The following MFSD12 variants were observed in gnomAD, a reference collection of about 807,000 sequenced individuals.
The protein encoded by MFSD12 is major facilitator superfamily domain-containing protein 12.
A neutral mutation model predicts 51.2 loss-of-function variants in MFSD12; 67 were observed. That is an observed-to-expected ratio of 1.31 (90% confidence interval 1.08 to 1.60). The LOEUF (loss-of-function observed/expected upper bound fraction) is 1.60, where lower values mean the gene tolerates loss of function less well. Ranked by LOEUF, MFSD12 falls within the 40% of genes most tolerant of loss-of-function variation. The pLI is 0.00. For missense variants in MFSD12, 921 were observed against 673.0 expected (o/e 1.37, Z -4.08); for synonymous variants, 441 against 316.7 (o/e 1.39, Z -4.17).
intron 6 of MFSD12, 36 bp downstream of exon 6, chr19:3,547,236 C>T: frequency 6.3e-7 from 1 of 1,579,778 alleles, no homozygotes; most frequent in Non-Finnish European, 8.7e-7. Flanking sequence ...GCACCCCATC[C>T]TCCGCCCCAG....
chr19:3,541,577 T>A, downstream of MFSD12: 1 of 856,626 alleles, frequency 1.2e-6, no homozygotes, highest in East Asian at 1.2e-4. Flanking sequence ...TGCCTCGGCC[T>A]CCCACAGTGC....
intron 1 of MFSD12, among the ~76,000 whole-genome samples, chr19:3,553,903 G>A (rs1180898261): frequency 1.3e-5 from 2 of 151,094 alleles, no homozygotes; most frequent in African/African-American, 4.9e-5. Flanking sequence ...CCAACATGGT[G>A]AAACCCTGTC....
In MFSD12 at chr19:3,547,990, G is replaced by A. The variant is rs775121218; in HGVS notation, c.695C>T (p.Ser232Leu). Residue 232 changes from serine (S) to leucine (L), a missense_variant, in exon 4 of 10, where the codon TCA becomes TTA. Coordinates refer to ENST00000355415, the MANE Select transcript of MFSD12 (RefSeq NM_174983.5). ...LLVVGVGAVF[S>L]LLFHLGTRER... ...CCGGGTGCCCAGGTGGAATAGCAGT[G>A]AGAACACGGCGCCGACACCCACCAC... 2 of 1,599,092 alleles carry A rather than the reference G, an allele frequency of 1.3e-6. No individual in the cohort carries two copies. The highest frequency in any genetic ancestry group is 2.2e-5 in the East Asian group (1 of 44,838).
chr19:3,542,655 G>A (rs550067671), downstream of MFSD12: 40 of 1,121,354 alleles, frequency 3.6e-5, no homozygotes, highest in East Asian at 2.5e-4. Flanking sequence ...CTTAATTTTC[G>A]TATTTTTAGT....
chr19:3,544,139 G>A (rs2030725923), downstream of MFSD12: 2 of 1,411,744 alleles, frequency 1.4e-6, no homozygotes, highest in Non-Finnish European at 1.9e-6. Context: ...ACCAGGGCAG[G>A]GCTGAGATGC....
intron 1 of MFSD12, 25 bp downstream of exon 1, chr19:3,557,081 C>G: frequency 7.0e-7 from 1 of 1,430,638 alleles, no homozygotes; most frequent in Non-Finnish European, 9.1e-7. Flanking sequence ...GGCTGCCCGA[C>G]AGGTGGCGGG....
chr19:3,542,504 C>G, downstream of MFSD12: 1 of 966,414 alleles, frequency 1.0e-6, no homozygotes, highest in Non-Finnish European at 1.2e-6. Flanking sequence ...GACAGAGTCT[C>G]ACTCTGTTGC....
downstream of MFSD12, chr19:3,543,649 G>GA: frequency 6.5e-7 from 1 of 1,543,696 alleles, no homozygotes; most frequent in South Asian, 1.2e-5. Context: ...GCGCGCTGTG[G>GA]AAAGACAGGC....
At chr19:3,539,227 C>T (rs942409567), downstream of MFSD12, 41 of 1,550,546 alleles carry the variant, frequency 2.6e-5, 1 homozygote, top group Middle Eastern at 1.7e-4. Context: ...CCCTCGGGGA[C>T]CCTCGAGGCC....
chr19:3,539,207 GC>G, downstream of MFSD12: 1 of 1,549,194 alleles, frequency 6.5e-7, no homozygotes. Flanking sequence ...AGGCTGCACG[GC>G]CCTGTATCCC....
chr19:3,541,576 C>A, downstream of MFSD12: 1 of 834,490 alleles, frequency 1.2e-6, no homozygotes, highest in African/African-American at 1.9e-5. Flanking sequence ...CTGCCTCGGC[C>A]TCCCACAGTG....
chr19:3,542,467 T>TTGAG (rs1024163566), downstream of MFSD12: 1 of 985,100 alleles, frequency 1.0e-6, no homozygotes, highest in African/African-American at 1.7e-5. Context: ...TAAAACATCT[T>TTGAG]TGAGTCTCTT....
At chr19:3,544,754 G>A (rs771454434) in intron 9 of MFSD12, 22 bp from the exon 10 acceptor site, 20 of 1,605,080 alleles carry the variant, frequency 1.2e-5, no homozygotes, top group South Asian at 2.2e-5. Context: ...GGGTGGAAAT[G>A]GCATTAGAGA....
At position 3,545,070 on chromosome 19, in the gene MFSD12, ACTCC is replaced by A. The variant is rs1029599844; in HGVS notation, c.1290-135_1290-132del. The A allele has an allele frequency of 7.2e-5, 85 of 1,176,338 alleles. 2 individuals are homozygous for A. In the South Asian group the frequency reaches 7.4e-4, roughly 10 times the overall value. 72.9% of individuals were successfully genotyped at this position (1,176,338 alleles called of 1,614,324 possible). A position where few individuals can be genotyped will look rare whatever the true frequency, so the allele number is the denominator to read the frequency against. ...CAATCCAGGAGCTGGGGGCCCTGCC[ACTCC>A]CTCCCTCCTGTCCCACACCCAACAG... On this transcript the variant is annotated intron_variant, in intron 8 of 9. Coordinates refer to ENST00000355415, the MANE Select transcript of MFSD12 (RefSeq NM_174983.5).
intron 4 of MFSD12, chr19:3,538,805 G>A: frequency 1.8e-6 from 1 of 547,190 alleles, no homozygotes; most frequent in Non-Finnish European, 3.7e-6. Flanking sequence ...GAGGAGTGAG[G>A]AGCTGGGGTG....
chr19:3,544,068 T>C (rs2030717655), downstream of MFSD12: 6 of 1,467,266 alleles, frequency 4.1e-6, no homozygotes, highest in South Asian at 8.3e-5. Context: ...GGCACTAACC[T>C]AGTCCCAGGG....
chr19:3,546,254 C>CCGTGTGGGGACCGATGA lies in MFSD12; in HGVS notation c.1178_1194dup (p.Asn399SerfsTer16). 3 of 1,610,294 alleles carry CCGTGTGGGGACCGATGA rather than the reference C, an allele frequency of 1.9e-6. No individual in the cohort carries two copies. The highest frequency in any genetic ancestry group is 1.7e-6 in the Non-Finnish European group (2 of 1,178,630). Reference sequence around the variant, plus strand: ...CACCCCAGCCTGGCTACCAGCCCTACCGTGTGGGGACCGATGAGGTCGGCC... The same window carrying CCGTGTGGGGACCGATGA: ...CACCCCAGCCTGGCTACCAGCCCTACCGTGTGGGGACCGATGACGTGTGGGGACCGATGAGGTCGGCC... On this transcript the variant is annotated frameshift_variant and splice_region_variant. Coordinates refer to ENST00000355415, the MANE Select transcript of MFSD12 (RefSeq NM_174983.5). LOFTEE classifies it high-confidence loss of function.
chr19:3,542,337 G>C (rs577822072), downstream of MFSD12: 1 of 985,382 alleles, frequency 1.0e-6, no homozygotes, highest in Non-Finnish European at 1.2e-6. Flanking sequence ...AGCTGGAACC[G>C]GGCTTTCCGT....
chr19:3,538,649 C>CGTGGGTGCATG (rs113259909), exon 5 of MFSD12: 15 of 468,786 alleles, frequency 3.2e-5, no homozygotes, highest in East Asian at 2.1e-4. Flanking sequence ...CGTTCCAGCA[C>CGTGGGTGCATG]GGTGGCGGCG....
Sources: gnomAD v4.1 joint callset for allele counts (sites outside exome capture counted in the v4.1 genomes callset) on GRCh38, gnomAD v4.1.1 for gene constraint, MANE v1.5 for transcripts, NCBI Gene and HGNC (gene_info 2026-07-23, HGNC 2026-07-21) for gene names.